Variants in AMZ2 observed in about 807,000 individuals in gnomAD.
The protein encoded by AMZ2 is archaemetzincin-2.
Under a neutral mutation model 36.7 loss-of-function variants are expected in AMZ2, and 26 were observed. That is an observed-to-expected ratio of 0.71 (90% CI 0.52 to 0.98). The LOEUF is 0.98. AMZ2 is among the 50% of genes least tolerant of loss of function. The pLI is 0.00. For synonymous variants in AMZ2, 144 were observed against 149.1 expected (o/e 0.97, Z 0.25); for missense variants, 394 against 430.5 (o/e 0.92, Z 0.75).
At chr17:68,220,926 G>C (rs1482702358) in intron 1 of AMZ2, among the ~76,000 whole-genome samples, 1 of 151,722 alleles carries the variant, frequency 6.6e-6, no homozygotes, top group Non-Finnish European at 1.5e-5. Context: ...GGGATTACAG[G>C]TGCATGCCTC....
chr17:68,250,542 TG>T, intron 2 of AMZ2, 72 bp downstream of exon 2: 1 of 1,544,910 alleles, frequency 6.5e-7, no homozygotes. Flanking sequence ...GTCCAGGCTA[TG>T]GGTCTGATTC....
rs1244807007 is a variant in AMZ2 at position 68,209,627 on chromosome 17, TA to T, written c.-67+3390del. On this transcript the variant is annotated intron_variant, in intron 1 of 7. Coordinates refer to the AMZ2 transcript ENST00000674770. ...GTGTATATGTATATATATATATATA[TA>T]TATATTTTTTTTTTTTTTTATACAG... 3.1e-3 allele frequency among the ~76,000 whole-genome samples: 331 copies of T among 108,058 alleles called. 3 individuals carry two copies. The highest frequency in any genetic ancestry group is 0.012 in the African/African-American group (300 of 24,386). The allele number at this position is 108,058 out of a possible 152,430, so 70.9% of individuals were successfully genotyped here. A position where few individuals can be genotyped will look rare whatever the true frequency, so the allele number is the denominator to read the frequency against.
At chr17:68,230,737 C>G (rs55798302) in intron 1 of AMZ2, among the ~76,000 whole-genome samples, 24,059 of 152,066 alleles carry the variant, frequency 0.16, 1,999 homozygotes, top group East Asian at 0.29. Flanking sequence ...TGGAGGGCCT[C>G]TCATGCTGCT....
upstream of AMZ2, chr17:68,246,587 C>T (rs1246196135): frequency 1.3e-5 from 2 of 152,080 alleles, no homozygotes; most frequent in Non-Finnish European, 2.9e-5. Flanking sequence ...GCAGGAGTGG[C>T]GCATCGGTAT....
intron 1 of AMZ2, among the ~76,000 whole-genome samples, chr17:68,217,377 A>T (rs1349348719): frequency 2.6e-5 from 4 of 152,228 alleles, no homozygotes; most frequent in African/African-American, 9.6e-5. Flanking sequence ...TATAGTCGTC[A>T]TTCAAATTGC....
chr17:68,255,784 G>C lies in AMZ2; in HGVS notation c.835G>C (p.Glu279Gln), dbSNP rs143792257. 1.9e-6 allele frequency: 3 copies of C among 1,614,074 alleles called. No homozygotes were observed. The highest frequency in any genetic ancestry group is 1.7e-6 in the Non-Finnish European group (2 of 1,180,046). The stretch of plus-strand genomic sequence containing the variant: ...CCTCATGCAAGGCTCCAACCACTTG[G>C]AAGAAGCTGACCGGCGCCCTCTAAA... Reference protein sequence around the residue: ...ACLMQGSNHLEEADRRPLNLC... With the variant: ...ACLMQGSNHLQEADRRPLNLC... The change falls in exon 6 of 7, where the codon GAA becomes CAA. Residue 279 changes from glutamate (E) to glutamine (Q), a missense_variant. Glu to Gln is a conservative substitution (Grantham distance 29, BLOSUM62 2). Transcript: ENST00000359904.
upstream of AMZ2, chr17:68,247,770 G>A (rs573665198): frequency 4.3e-5 from 42 of 985,546 alleles, no homozygotes; most frequent in African/African-American, 7.1e-4. Flanking sequence ...TGTGGCTCTC[G>A]AGAACCGGGC....
intron 1 of AMZ2, among the ~76,000 whole-genome samples, chr17:68,240,517 C>T (rs188492583): frequency 2.0e-5 from 3 of 152,160 alleles, no homozygotes; most frequent in African/African-American, 7.2e-5. Flanking sequence ...TCTGAAAGTC[C>T]AACATCCAGC....
intron 1 of AMZ2, among the ~76,000 whole-genome samples, chr17:68,217,810 A>ATTTT (rs145685949): frequency 7.3e-6 from 1 of 136,330 alleles, no homozygotes; most frequent in African/African-American, 2.8e-5. Context: ...AATAAAAAAG[A>ATTTT]TTTTTTTTTT....
In AMZ2 at chr17:68,208,524, C is replaced by T. The variant is rs183056170; in HGVS notation, c.-67+2286C>T. On this transcript the variant is annotated intron_variant, in intron 1 of 7. Coordinates refer to the AMZ2 transcript ENST00000674770. Reference sequence around the variant, plus strand: ...CAGCGCCCTGTCAAAAGAGACCACTCGGCTCTCTGTAAAATGGACCAATCA... The same window carrying T: ...CAGCGCCCTGTCAAAAGAGACCACTTGGCTCTCTGTAAAATGGACCAATCA... Among the ~76,000 whole-genome samples the T allele has an allele frequency of 2.4e-3, 371 of 152,220 alleles. 4 individuals are homozygous for T. Among genetic ancestry groups the T allele is most frequent in the Middle Eastern group, 0.014 (4 of 294 alleles).
chr17:68,231,171 C>T (rs1817111088), intron 1 of AMZ2, among the ~76,000 whole-genome samples: 1 of 152,022 alleles, frequency 6.6e-6, no homozygotes, highest in Non-Finnish European at 1.5e-5. Flanking sequence ...TCAAGTGATC[C>T]TCCTACCTCA....
chr17:68,211,084 C>T (rs782221099), intron 1 of AMZ2, among the ~76,000 whole-genome samples: 47 of 151,852 alleles, frequency 3.1e-4, no homozygotes, highest in Non-Finnish European at 5.9e-4. Flanking sequence ...TGTATGATTT[C>T]GTTTATATGG....
At chr17:68,233,568 G>A (rs1246025715) in intron 1 of AMZ2, among the ~76,000 whole-genome samples, 6 of 151,426 alleles carry the variant, frequency 4.0e-5, no homozygotes, top group African/African-American at 7.3e-5. Flanking sequence ...GAGTGAAGGT[G>A]CTGATCTATG....
chr17:68,221,218 C>CT lies in AMZ2; in HGVS notation c.-67+14980_-67+14981insT, dbSNP rs2073354265. 3.2e-5 allele frequency among the ~76,000 whole-genome samples: 3 copies of CT among 95,046 alleles called. 1 individual carries two copies. Among genetic ancestry groups the CT allele is most frequent in the Admixed American group, 1.0e-4 (1 of 9,932 alleles). The allele number at this position is 95,046 out of a possible 152,430, so 62.4% of individuals were successfully genotyped here. A position where few individuals can be genotyped will look rare whatever the true frequency, so the allele number is the denominator to read the frequency against. ...TGCCTCAGCCCTCAGCTCCCCCCCC[C>CT]GCCCCCCCGGTAGCTAGGACCCCAA... On this transcript the variant is annotated intron_variant, in intron 1 of 7. Coordinates refer to the AMZ2 transcript ENST00000674770.
At position 68,255,723 on chromosome 17, in the gene AMZ2, C is replaced by A; in HGVS notation, c.774C>A (p.His258Gln). ...SCKTLTHEIGHIFGLRHCQWL... is the reference protein window; with the variant it reads ...SCKTLTHEIGQIFGLRHCQWL... ...AGACTTTAACCCATGAGATCGGACA[C>A]ATATTTGGACTGCGACACTGCCAGT... The change falls in exon 6 of 7, where the codon CAC (histidine) becomes CAA (glutamine). Residue 258 changes from histidine to glutamine, a missense_variant. His to Gln is a conservative substitution (Grantham distance 24, BLOSUM62 0). Transcript: ENST00000359904. The A allele has an allele frequency of 6.2e-7, 1 of 1,614,164 alleles. No homozygotes were observed. Among genetic ancestry groups the A allele is most frequent in the Non-Finnish European group, 8.5e-7 (1 of 1,180,026 alleles).
intron 1 of AMZ2, among the ~76,000 whole-genome samples, chr17:68,238,280 C>G (rs1599363474): frequency 6.6e-6 from 1 of 152,026 alleles, no homozygotes. Flanking sequence ...CTCCTGAGCT[C>G]AAACAATCCT....
At chr17:68,248,760 A>G (rs2074213176) in intron 1 of AMZ2, 55 bp downstream of exon 1, 1 of 996,170 alleles carries the variant, frequency 1.0e-6, no homozygotes, top group Non-Finnish European at 1.2e-6. Context: ...TGTAGAAGTC[A>G]GATTTCAGCC....
intron 1 of AMZ2, among the ~76,000 whole-genome samples, chr17:68,208,871 C>T (rs2072928151): frequency 6.6e-6 from 1 of 152,156 alleles, no homozygotes; most frequent in African/African-American, 2.4e-5. Context: ...GCCAGCGAGA[C>T]CACGAACCCA....
chr17:68,238,286 A>G (rs1555733252), intron 1 of AMZ2, among the ~76,000 whole-genome samples: 1 of 151,916 alleles, frequency 6.6e-6, no homozygotes, highest in African/African-American at 2.4e-5. Context: ...AGCTCAAACA[A>G]TCCTCCCACC....
Sources: allele counts gnomAD v4.1 joint callset (sites outside exome capture counted in the v4.1 genomes callset), GRCh38; gene constraint gnomAD v4.1.1; transcripts MANE v1.5; gene names NCBI Gene and HGNC (gene_info 2026-07-23, HGNC 2026-07-21).